Variants in JPH3 observed in about 807,000 individuals in gnomAD.
JPH3 encodes junctophilin-3.
JPH3 carries 11 observed loss-of-function variants against 59.6 expected under a neutral mutation model. The observed-to-expected ratio is 0.18, with a 90% CI of 0.12 to 0.31. The LOEUF (loss-of-function observed/expected upper bound fraction) is 0.31. JPH3 is among the 10% of genes least tolerant of loss of function. The probability of loss-of-function intolerance (pLI) is 1.00; values close to 1 mark genes in which losing one functional copy is unlikely to be tolerated. For synonymous variants in JPH3, 673 were observed against 483.6 expected, an observed-to-expected ratio of 1.39 and a Z score of -5.14; for missense variants, 1,202 against 1,105.7, an observed-to-expected ratio of 1.09 and a Z score of -1.24.
chr16:87,676,356 A>G (rs2033141500), intron 2 of JPH3, among the ~76,000 whole-genome samples: 1 of 152,226 alleles, frequency 6.6e-6, no homozygotes, highest in African/African-American at 2.4e-5. Context: ...CCATAAATGC[A>G]TTAAGTGGCT....
At chr16:87,625,522 C>G (rs977118881) in intron 1 of JPH3, among the ~76,000 whole-genome samples, 6 of 152,208 alleles carry the variant, frequency 3.9e-5, no homozygotes, top group African/African-American at 1.4e-4. Context: ...GCAGGAGGAG[C>G]AGGGCCAGCA....
intron 2 of JPH3, among the ~76,000 whole-genome samples, chr16:87,653,245 C>T (rs1471701597): frequency 1.3e-5 from 2 of 152,250 alleles, no homozygotes; most frequent in East Asian, 3.8e-4. Flanking sequence ...CTGAAAGGGG[C>T]TTCCAGATCC....
chr16:87,615,090 C>G (rs2030906438), intron 1 of JPH3, among the ~76,000 whole-genome samples: 1 of 152,096 alleles, frequency 6.6e-6, no homozygotes, highest in Admixed American at 6.5e-5. Context: ...GCGTCCCTTC[C>G]CAGAATAAAG....
intron 1 of JPH3, among the ~76,000 whole-genome samples, chr16:87,621,245 C>A (rs1193825649): frequency 6.6e-6 from 1 of 152,226 alleles, no homozygotes; most frequent in African/African-American, 2.4e-5. Context: ...CCGACTTGGC[C>A]CAGAGTGCCA....
At chr16:87,665,869 C>T (rs943521151) in intron 2 of JPH3, among the ~76,000 whole-genome samples, 1 of 152,210 alleles carries the variant, frequency 6.6e-6, no homozygotes, top group Non-Finnish European at 1.5e-5. Flanking sequence ...GTCCCTGGGA[C>T]ACAGCCCTGT....
At chr16:87,621,201 G>T (rs187732806) in intron 1 of JPH3, among the ~76,000 whole-genome samples, 2 of 152,236 alleles carry the variant, frequency 1.3e-5, no homozygotes, top group South Asian at 2.1e-4. Context: ...GAGCGCAGGG[G>T]TCAGCAGCTA....
rs530308204 is a variant in JPH3, at chr16:87,685,098, A to C, written c.1285+832A>C. Among the ~76,000 whole-genome samples the C allele has an allele frequency of 8.5e-5, 13 of 152,096 alleles. No individual in the cohort carries two copies. The South Asian group carries it at 2.5e-3, about 29-fold the overall frequency. Reference sequence around the variant, plus strand: ...CCTGAACTTGCTCGCAACGCCTGCCACTCTGGCCACCAGGACAGGATGAGG... The same window carrying C: ...CCTGAACTTGCTCGCAACGCCTGCCCCTCTGGCCACCAGGACAGGATGAGG... On this transcript the variant is annotated intron_variant, in intron 3 of 4. Transcript: ENST00000284262.
At chr16:87,672,362 C>G (rs949578742) in intron 2 of JPH3, among the ~76,000 whole-genome samples, 1 of 152,216 alleles carries the variant, frequency 6.6e-6, no homozygotes, top group African/African-American at 2.4e-5. Context: ...TGGCCCTGCT[C>G]CCAGACCCCC....
At chr16:87,643,253 C>T (rs2032014742) in intron 1 of JPH3, among the ~76,000 whole-genome samples, 2 of 152,216 alleles carry the variant, frequency 1.3e-5, no homozygotes, top group Non-Finnish European at 1.5e-5. Flanking sequence ...GATGTTCCAT[C>T]GTATGGACGG....
In JPH3 at chr16:87,611,255, T is replaced by C. The variant is rs564168536; in HGVS notation, c.382+7727T>C. Among the ~76,000 whole-genome samples the C allele has an allele frequency of 1.6e-4, 24 of 152,280 alleles. No individual in the cohort carries two copies. The highest frequency in any genetic ancestry group is 5.3e-4 in the African/African-American group (22 of 41,556). ...GTTTCTCATGCCACAGTGGGGGTCCTGAATGGGAGCACCACAGGGCAGGGA... is the reference window on the plus strand; with the variant it reads ...GTTTCTCATGCCACAGTGGGGGTCCCGAATGGGAGCACCACAGGGCAGGGA... On this transcript the variant is annotated intron_variant, in intron 1 of 4. Coordinates refer to ENST00000284262, the MANE Select transcript of JPH3 (RefSeq NM_020655.4). This position sits in a 1 kb window ranked among gnomAD's most constrained non-coding sequence, Gnocchi z 4.5.
chr16:87,639,152 G>A (rs912697242), intron 1 of JPH3, among the ~76,000 whole-genome samples: 4 of 152,270 alleles, frequency 2.6e-5, no homozygotes, highest in East Asian at 3.9e-4. Flanking sequence ...ACCATCAATC[G>A]AGCATTAGCG....
intron 1 of JPH3, among the ~76,000 whole-genome samples, chr16:87,617,022 C>G (rs556589212): frequency 1.2e-4 from 19 of 152,204 alleles, no homozygotes; most frequent in African/African-American, 4.6e-4. Context: ...GTCAGGAGTT[C>G]GAGACCAGCC....
intron 1 of JPH3, among the ~76,000 whole-genome samples, chr16:87,627,890 C>A (rs991569136): frequency 6.6e-6 from 1 of 152,200 alleles, no homozygotes; most frequent in Non-Finnish European, 1.5e-5. Context: ...CAGGCCACCC[C>A]GCCCCTCGCA....
chr16:87,683,213 G>C (rs1189209247), intron 2 of JPH3, among the ~76,000 whole-genome samples: 1 of 152,246 alleles, frequency 6.6e-6, no homozygotes, highest in Non-Finnish European at 1.5e-5. Flanking sequence ...GACACACACA[G>C]CACAGCGGGC....
intron 1 of JPH3, among the ~76,000 whole-genome samples, chr16:87,642,252 G>A (rs540370725): frequency 1.9e-4 from 29 of 151,934 alleles, no homozygotes; most frequent in Admixed American, 1.4e-3. Flanking sequence ...GGAAAGGGGG[G>A]GGGCAGTGGG....
intron 1 of JPH3, among the ~76,000 whole-genome samples, chr16:87,624,744 A>G (rs563375765): frequency 2.6e-5 from 4 of 151,972 alleles, no homozygotes; most frequent in Non-Finnish European, 5.9e-5. Context: ...TCTGGGCCCA[A>G]CTCTCTGAGA....
chr16:87,634,652 G>C (rs144675777), intron 1 of JPH3, among the ~76,000 whole-genome samples: 10 of 152,216 alleles, frequency 6.6e-5, no homozygotes, highest in African/African-American at 2.2e-4. Context: ...GTGACGGGAG[G>C]GGGGCTCTGG....
intron 2 of JPH3, among the ~76,000 whole-genome samples, chr16:87,650,295 A>G (rs937863526): frequency 2.0e-5 from 3 of 152,184 alleles, no homozygotes; most frequent in African/African-American, 7.2e-5. Flanking sequence ...TTGGGATGCC[A>G]CACATCGCAC....
chr16:87,675,178 C>A (rs529881816), intron 2 of JPH3, among the ~76,000 whole-genome samples: 2 of 109,758 alleles, frequency 1.8e-5, no homozygotes, highest in Non-Finnish European at 3.7e-5. Context: ...GAAGCTTTCA[C>A]CCCCCGCCCC....
Sources: allele counts gnomAD v4.1 joint callset (sites outside exome capture counted in the v4.1 genomes callset), GRCh38; gene constraint gnomAD v4.1.1; non-coding constraint Gnocchi (gnomAD v3.1); transcripts MANE v1.5; gene names NCBI Gene and HGNC (gene_info 2026-07-23, HGNC 2026-07-21).